Variants in LSAMP observed in about 807,000 individuals in gnomAD.
LSAMP encodes limbic system-associated membrane protein.
In LSAMP, 7 loss-of-function variants were observed where a neutral mutation model predicts 38.6. The ratio of observed to expected loss-of-function variants is 0.18; its 90% CI spans 0.10 to 0.34. The LOEUF (loss-of-function observed/expected upper bound fraction) is 0.34. Ranked by LOEUF, LSAMP falls within the 10% of genes least tolerant of loss-of-function variation. The pLI is 1.00. For synonymous variants in LSAMP, 154 were observed against 166.8 expected, an observed-to-expected ratio of 0.92 and a Z score of 0.59; for missense variants, 313 against 420.0, an observed-to-expected ratio of 0.75 and a Z score of 2.23.
At chr3:116,235,483 G>C (rs575775169) in intron 1 of LSAMP, among the ~76,000 whole-genome samples, 19 of 152,166 alleles carry the variant, frequency 1.2e-4, no homozygotes, top group African/African-American at 4.3e-4. Context: ...GAAGGAGAAA[G>C]GGAAGGAGAG....
intron 3 of LSAMP, among the ~76,000 whole-genome samples, chr3:115,916,435 C>T (rs1203298100): frequency 2.6e-5 from 4 of 152,172 alleles, no homozygotes; most frequent in East Asian, 1.9e-4. Context: ...CATCATTTAA[C>T]AGATCTTAAC....
At chr3:116,366,681 G>A (rs539909498) in intron 1 of LSAMP, among the ~76,000 whole-genome samples, 4 of 152,214 alleles carry the variant, frequency 2.6e-5, no homozygotes, top group East Asian at 3.9e-4. Context: ...TTTAGTAGCT[G>A]GTTTGTACTA....
In LSAMP at chr3:115,997,705, C is replaced by T. The variant is rs540796612; in HGVS notation, c.514+21810G>A. ...GGTTTCTCAAGAGGGAAACTATTGA[C>T]ATTTTGGGATATATATATATATATA... On this transcript the variant is annotated intron_variant, in intron 3 of 6. Transcript: ENST00000490035. Among the ~76,000 whole-genome samples, 66 of 110,518 alleles carry T rather than the reference C, an allele frequency of 6.0e-4. 1 individual carries two copies. The South Asian group carries it at 0.02, about 33-fold the overall frequency. The allele number at this position is 110,518 out of a possible 152,430, so 72.5% of individuals were successfully genotyped here.
intron 1 of LSAMP, among the ~76,000 whole-genome samples, chr3:116,416,773 C>T (rs553993426): frequency 5.1e-4 from 78 of 151,980 alleles, no homozygotes; most frequent in African/African-American, 1.6e-3. Flanking sequence ...GTTAAAGGCA[C>T]GTGCAGCATA....
rs114256776 is a variant in LSAMP at position 116,215,612 on chromosome 3, G to C, written c.156-129056C>G. On this transcript the variant is annotated intron_variant, in intron 1 of 6. Coordinates refer to ENST00000490035, the MANE Select transcript of LSAMP (RefSeq NM_002338.5). Reference sequence around the variant, plus strand: ...TTCAGCCACTGGTTTTTGTCTGTCTGATTTTCTGACATATTTGTTGCAGAA... The same window carrying C: ...TTCAGCCACTGGTTTTTGTCTGTCTCATTTTCTGACATATTTGTTGCAGAA... Among the ~76,000 whole-genome samples the C allele has an allele frequency of 5.4e-3, 823 of 152,248 alleles. 8 individuals carry two copies. Among genetic ancestry groups the C allele is most frequent in the African/African-American group, 0.018 (759 of 41,550 alleles).
chr3:116,190,775 G>A (rs994993337), intron 1 of LSAMP, among the ~76,000 whole-genome samples: 1 of 152,132 alleles, frequency 6.6e-6, no homozygotes, highest in Non-Finnish European at 1.5e-5. Context: ...ACCCTTAGAT[G>A]CCTTCTGAGG....
At chr3:115,935,113 C>A (rs1458298870) in intron 3 of LSAMP, among the ~76,000 whole-genome samples, 1 of 151,674 alleles carries the variant, frequency 6.6e-6, no homozygotes, top group Admixed American at 6.6e-5. Context: ...ATAATGATGG[C>A]TTCTGAAATG....
intron 3 of LSAMP, among the ~76,000 whole-genome samples, chr3:116,018,294 T>A (rs1227010087): frequency 6.6e-6 from 1 of 152,122 alleles, no homozygotes; most frequent in Non-Finnish European, 1.5e-5. Flanking sequence ...GAAATTAATT[T>A]AGGATCTAAC....
chr3:116,422,818 T>C (rs1291636267), intron 1 of LSAMP, among the ~76,000 whole-genome samples: 2 of 152,200 alleles, frequency 1.3e-5, no homozygotes, highest in African/African-American at 4.8e-5. Flanking sequence ...GTCTCAACTG[T>C]AATATTACCC....
At chr3:116,407,016 A>G (rs1327869968) in intron 1 of LSAMP, among the ~76,000 whole-genome samples, 3 of 152,086 alleles carry the variant, frequency 2.0e-5, no homozygotes, top group Non-Finnish European at 2.9e-5. Context: ...ATCTGCTGCA[A>G]GAGTATGAAG....
At chr3:116,015,258 A>G (rs1940443415) in intron 3 of LSAMP, among the ~76,000 whole-genome samples, 1 of 152,184 alleles carries the variant, frequency 6.6e-6, no homozygotes, top group Non-Finnish European at 1.5e-5. Context: ...AAACCTTTGC[A>G]GAAATGAAAC....
At chr3:116,034,707 G>A (rs1368826733) in intron 2 of LSAMP, among the ~76,000 whole-genome samples, 2 of 152,058 alleles carry the variant, frequency 1.3e-5, no homozygotes, top group Non-Finnish European at 2.9e-5. Flanking sequence ...TCTCCTGATG[G>A]TAAAATACCC....
intron 1 of LSAMP, among the ~76,000 whole-genome samples, chr3:116,369,212 A>G (rs2048397610): frequency 6.6e-6 from 1 of 152,208 alleles, no homozygotes; most frequent in African/African-American, 2.4e-5. Context: ...AATAAATAAG[A>G]CAGAGCTTCT....
intron 1 of LSAMP, among the ~76,000 whole-genome samples, chr3:116,300,714 A>G (rs2047395337): frequency 1.3e-5 from 2 of 151,432 alleles, no homozygotes; most frequent in Admixed American, 1.3e-4. Context: ...TCCCAAAACC[A>G]CTCCCCCTAC....
chr3:115,896,980 C>G (rs965490805), intron 3 of LSAMP, among the ~76,000 whole-genome samples: 2 of 152,076 alleles, frequency 1.3e-5, no homozygotes, highest in Non-Finnish European at 2.9e-5. Flanking sequence ...TGTATCTATT[C>G]CCACTCCTTT....
intron 1 of LSAMP, among the ~76,000 whole-genome samples, chr3:116,097,374 C>T (rs1412912400): frequency 7.5e-4 from 114 of 152,274 alleles, no homozygotes; most frequent in Non-Finnish European, 3.1e-4. Flanking sequence ...GACTGTTTTC[C>T]ACAAGGCTCA....
intron 3 of LSAMP, among the ~76,000 whole-genome samples, chr3:115,875,727 A>G (rs533526467): frequency 1.3e-5 from 2 of 152,168 alleles, no homozygotes; most frequent in African/African-American, 4.8e-5. Context: ...AGGGTTCTTG[A>G]GCCCAATACC....
At chr3:115,965,328 G>A (rs60507394) in intron 3 of LSAMP, among the ~76,000 whole-genome samples, 36,768 of 151,546 alleles carry the variant, frequency 0.24, 5,078 homozygotes, top group African/African-American at 0.39. Context: ...AATTTTCCAG[G>A]GGAAACAAAT....
At chr3:115,852,452 C>T (rs770941677) in intron 4 of LSAMP, 31 bp downstream of exon 4, 4 of 1,588,018 alleles carry the variant, frequency 2.5e-6, no homozygotes, top group East Asian at 2.3e-5. Context: ...ACCCTGGGCA[C>T]CTAGCACCTG....
Sources: gnomAD v4.1 joint callset for allele counts (sites outside exome capture counted in the v4.1 genomes callset) on GRCh38, gnomAD v4.1.1 for gene constraint, MANE v1.5 for transcripts, NCBI Gene and HGNC (gene_info 2026-07-23, HGNC 2026-07-21) for gene names.